Variants in GABBR2 observed in about 807,000 individuals in gnomAD.
GABBR2 encodes the protein gamma-aminobutyric acid type B receptor subunit 2, also known as G-protein coupled receptor 51.
In GABBR2, 23 loss-of-function variants were observed where a neutral mutation model predicts 105.6. That is an observed-to-expected ratio of 0.22 (90% confidence interval 0.16 to 0.31). GABBR2 has a LOEUF of 0.31. Ranked by LOEUF, GABBR2 falls within the 10% of genes least tolerant of loss-of-function variation. GABBR2 has a pLI of 1.00. For missense variants in GABBR2, 734 were observed against 1,245.5 expected, an observed-to-expected ratio of 0.59 and a Z score of 6.18; for synonymous variants, 478 against 499.7, an observed-to-expected ratio of 0.96 and a Z score of 0.58.
intron 1 of GABBR2, among the ~76,000 whole-genome samples, chr9:98,585,649 A>C (rs10115280): frequency 0.011 from 1,707 of 152,140 alleles, 39 homozygotes; most frequent in African/African-American, 0.039. Flanking sequence ...AATAATAATA[A>C]AATTAAAAAA....
chr9:98,437,233 G>A (rs984322565), intron 7 of GABBR2, among the ~76,000 whole-genome samples: 3 of 152,100 alleles, frequency 2.0e-5, no homozygotes, highest in Non-Finnish European at 4.4e-5. Flanking sequence ...TTAAAATGCA[G>A]CAGACACATG....
rs751079588 is a variant in GABBR2 at position 98,578,021 on chromosome 9, G to A, written c.373C>T (p.Pro125Ser). Residue 125 changes from proline (P) to serine (S), a missense_variant, in exon 2 of 19, where the codon CCT (proline) becomes TCT (serine). Physicochemically the swap from Pro to Ser is moderately conservative, Grantham distance 74 (BLOSUM62 -1). Coordinates refer to ENST00000259455, the MANE Select transcript of GABBR2 (RefSeq NM_005458.8). Reference protein sequence around the residue: ...KAFYDAIKYGPNHLMVFGGVC... With the variant: ...KAFYDAIKYGSNHLMVFGGVC... Reference sequence around the variant, plus strand: ...CCTCCAAACACCATCAAGTGGTTAGGCCCGTATTTTATTGCATCGTAGAAG... The same window carrying A: ...CCTCCAAACACCATCAAGTGGTTAGACCCGTATTTTATTGCATCGTAGAAG... 1 of 1,613,750 alleles carries A rather than the reference G, an allele frequency of 6.2e-7. No homozygotes were observed. Among genetic ancestry groups the A allele is most frequent in the Non-Finnish European group, 8.5e-7 (1 of 1,179,644 alleles).
chr9:98,558,266 G>T (rs1029353323), intron 2 of GABBR2, among the ~76,000 whole-genome samples: 1 of 152,188 alleles, frequency 6.6e-6, no homozygotes, highest in African/African-American at 2.4e-5. Flanking sequence ...TGGGCATCCT[G>T]TATTCTACCT....
At chr9:98,708,271 G>T in intron 1 of GABBR2, 146 bp downstream of exon 1, 1 of 798,478 alleles carries the variant, frequency 1.3e-6, no homozygotes, top group Non-Finnish European at 1.7e-6. Flanking sequence ...CCGCGGGGGT[G>T]AACACTGGGC....
chr9:98,473,091 C>A (rs970575536), intron 6 of GABBR2, 55 bp downstream of exon 6: 2 of 1,328,770 alleles, frequency 1.5e-6, no homozygotes, highest in South Asian at 1.2e-5. Context: ...TGTCATCAGA[C>A]AAGATGATCA....
intron 11 of GABBR2, among the ~76,000 whole-genome samples, chr9:98,376,095 T>A (rs894181765): frequency 1.2e-4 from 19 of 152,302 alleles, no homozygotes; most frequent in African/African-American, 4.6e-4. Context: ...AAGACAAACT[T>A]TAGGCAGGTA....
intron 6 of GABBR2, among the ~76,000 whole-genome samples, chr9:98,463,864 G>GGCCTCGGGTGATCTGCCC (rs1826478617): frequency 6.6e-6 from 1 of 152,192 alleles, no homozygotes; most frequent in South Asian, 2.1e-4. Context: ...TCCAGCTCCT[G>GGCCTCGGGTGATCTGCCC]GCCTCGGGTG....
At position 98,321,638 on chromosome 9, in the gene GABBR2, C is replaced by T. The variant is rs1459854010; in HGVS notation, c.1894-10433G>A. 9.9e-5 allele frequency among the ~76,000 whole-genome samples: 15 copies of T among 152,172 alleles called. No homozygotes were observed. In the South Asian group the frequency reaches 1.2e-3, roughly 13 times the overall value. ...GTAGGACCCTGACCCAGCAGGCAGA[C>T]GATGGGGAGAATGATGACAGGAGAC... On this transcript the variant is annotated intron_variant, in intron 13 of 18. Transcript: ENST00000259455.
intron 3 of GABBR2, among the ~76,000 whole-genome samples, chr9:98,529,448 A>G (rs1441828740): frequency 6.6e-6 from 1 of 152,232 alleles, no homozygotes; most frequent in African/African-American, 2.4e-5. Context: ...AAGAGCATGT[A>G]TTTATTTACA....
At chr9:98,689,450 T>G (rs1830658914) in intron 1 of GABBR2, among the ~76,000 whole-genome samples, 1 of 152,238 alleles carries the variant, frequency 6.6e-6, no homozygotes, top group Non-Finnish European at 1.5e-5. Context: ...GGAATGTGTT[T>G]GCTTTGACAA....
At chr9:98,355,308 A>G (rs1293661274) in intron 13 of GABBR2, among the ~76,000 whole-genome samples, 2 of 152,198 alleles carry the variant, frequency 1.3e-5, no homozygotes, top group Non-Finnish European at 2.9e-5. Flanking sequence ...ACACAAAGTG[A>G]GTAAACGCTA....
At chr9:98,380,310 C>T (rs57686796) in intron 11 of GABBR2, among the ~76,000 whole-genome samples, 16,065 of 152,272 alleles carry the variant, frequency 0.11, 1,052 homozygotes, top group African/African-American at 0.17. Flanking sequence ...GTGAGGCCCA[C>T]GCTGGGATCT....
intron 13 of GABBR2, among the ~76,000 whole-genome samples, chr9:98,357,789 A>G (rs1831514532): frequency 6.6e-6 from 1 of 152,182 alleles, no homozygotes; most frequent in Non-Finnish European, 1.5e-5. Context: ...GCCTGTCTCA[A>G]TCATATCCTC....
chr9:98,427,062 G>C (rs927149156), intron 7 of GABBR2, among the ~76,000 whole-genome samples: 1 of 152,220 alleles, frequency 6.6e-6, no homozygotes, highest in African/African-American at 2.4e-5. Context: ...ATGGAAGGCA[G>C]GGCTGCTGCT....
chr9:98,560,223 A>G (rs1358338962), intron 2 of GABBR2, among the ~76,000 whole-genome samples: 2 of 152,174 alleles, frequency 1.3e-5, no homozygotes, highest in African/African-American at 4.8e-5. Context: ...CAACCCCTAA[A>G]CAGTGAAAAC....
At chr9:98,671,311 G>A (rs1233430418) in intron 1 of GABBR2, among the ~76,000 whole-genome samples, 2 of 152,128 alleles carry the variant, frequency 1.3e-5, no homozygotes, top group African/African-American at 4.8e-5. Context: ...CATCCATGTC[G>A]TAGCATGCAT....
rs1303346270 is a variant in GABBR2 at position 98,350,389 on chromosome 9, C to G, written c.1893+12326G>C. Among the ~76,000 whole-genome samples, 4 of 151,982 alleles carry G rather than the reference C, an allele frequency of 2.6e-5. No individual in the cohort carries two copies. In the East Asian group the frequency reaches 5.8e-4, roughly 22 times the overall value. ...TGAGTGTTAATTGCTATACGTTTCCCTCTTTGCACTGCTTTTGCTGTATCT... is the reference window on the plus strand; with the variant it reads ...TGAGTGTTAATTGCTATACGTTTCCGTCTTTGCACTGCTTTTGCTGTATCT... On this transcript the variant is annotated intron_variant, in intron 13 of 18. Coordinates refer to ENST00000259455, the MANE Select transcript of GABBR2 (RefSeq NM_005458.8).
intron 1 of GABBR2, among the ~76,000 whole-genome samples, chr9:98,644,571 G>A (rs1830007262): frequency 6.6e-6 from 1 of 152,192 alleles, no homozygotes; most frequent in Admixed American, 6.5e-5. Context: ...GCTGGGCGTG[G>A]TGGCTCATGC....
At chr9:98,669,716 T>C (rs1440605196) in intron 1 of GABBR2, among the ~76,000 whole-genome samples, 1 of 152,116 alleles carries the variant, frequency 6.6e-6, no homozygotes, top group Non-Finnish European at 1.5e-5. Context: ...AGACCTAGGA[T>C]GTTATTGATT....
Sources: gnomAD v4.1 joint callset for allele counts (sites outside exome capture counted in the v4.1 genomes callset) on GRCh38, gnomAD v4.1.1 for gene constraint, MANE v1.5 for transcripts, NCBI Gene and HGNC (gene_info 2026-07-23, HGNC 2026-07-21) for gene names.